Variants in RGS17 observed in about 807,000 individuals in gnomAD.
RGS17 encodes regulator of G protein signaling 17.
Under a neutral mutation model 25.5 loss-of-function variants are expected in RGS17, and 12 were observed. That is an observed-to-expected ratio of 0.47 (90% CI 0.30 to 0.76). The LOEUF (loss-of-function observed/expected upper bound fraction) is 0.76. RGS17 is among the 30% of genes least tolerant of loss of function. The pLI is 0.07. For missense variants in RGS17, 196 were observed against 242.2 expected, an observed-to-expected ratio of 0.81 and a Z score of 1.27; for synonymous variants, 71 against 76.9, an observed-to-expected ratio of 0.92 and a Z score of 0.40.
chr6:153,077,252 A>G (rs886778594), intron 1 of RGS17, among the ~76,000 whole-genome samples: 2 of 152,224 alleles, frequency 1.3e-5, no homozygotes, highest in Non-Finnish European at 2.9e-5. Flanking sequence ...TTTCTAAAAT[A>G]CAGTTCTCTT....
At chr6:153,057,278 T>C (rs886356408) in intron 1 of RGS17, among the ~76,000 whole-genome samples, 13 of 152,094 alleles carry the variant, frequency 8.5e-5, no homozygotes, top group Non-Finnish European at 1.3e-4. Context: ...CAAGATGCCG[T>C]TGCAGTAAGA....
intron 2 of RGS17, among the ~76,000 whole-genome samples, chr6:153,043,487 T>TAAAAAAAA (rs766892546): frequency 7.4e-6 from 1 of 135,492 alleles, no homozygotes; most frequent in Non-Finnish European, 1.6e-5. Flanking sequence ...AGCAGAGAAC[T>TAAAAAAAA]AAAAAAAAAA....
chr6:153,043,563 T>C (rs910309798), intron 2 of RGS17, among the ~76,000 whole-genome samples: 1 of 152,114 alleles, frequency 6.6e-6, no homozygotes, highest in Non-Finnish European at 1.5e-5. Context: ...CCTGTAACAT[T>C]GGAGAATATT....
At chr6:153,126,443 A>AGCCACATTGATCTTTTT (rs1554246510) in intron 1 of RGS17, among the ~76,000 whole-genome samples, 2 of 151,794 alleles carry the variant, frequency 1.3e-5, no homozygotes, top group African/African-American at 4.8e-5. Flanking sequence ...TTTCTGGTTT[A>AGCCACATTGATCTTTTT]GCCACAGTGA....
intron 1 of RGS17, among the ~76,000 whole-genome samples, chr6:153,066,901 G>A (rs568593985): frequency 2.1e-4 from 32 of 152,048 alleles, no homozygotes; most frequent in African/African-American, 7.7e-4. Context: ...TTAGCGGGGC[G>A]TGGTGGTGGG....
chr6:153,097,290 ATTTTTTT>A (rs3083488), intron 1 of RGS17, among the ~76,000 whole-genome samples: 27,883 of 88,096 alleles, frequency 0.32, 3,378 homozygotes, highest in East Asian at 0.52. Context: ...CGTTTTTTTG[ATTTTTTT>A]TTTTTTTTTT....
At chr6:153,020,111 A>AAAATATATATAT (rs1426592195) in intron 4 of RGS17, among the ~76,000 whole-genome samples, 6 of 58,464 alleles carry the variant, frequency 1.0e-4, no homozygotes, top group African/African-American at 3.2e-4. Context: ...AAAAAAAAAA[A>AAAATATATATAT]ATATATATAT....
intron 1 of RGS17, among the ~76,000 whole-genome samples, chr6:153,072,251 T>C (rs1776814619): frequency 1.3e-5 from 2 of 152,150 alleles, no homozygotes; most frequent in Non-Finnish European, 2.9e-5. Context: ...CTATTCCAAA[T>C]AATTCGTAAG....
chr6:153,106,505 C>T (rs1777387333), intron 1 of RGS17, among the ~76,000 whole-genome samples: 1 of 150,632 alleles, frequency 6.6e-6, no homozygotes, highest in African/African-American at 2.4e-5. Flanking sequence ...TTGGGGTTTA[C>T]ATTCAGGACT....
intron 2 of RGS17, among the ~76,000 whole-genome samples, chr6:153,033,677 C>T (rs1584126617): frequency 6.6e-6 from 1 of 152,038 alleles, no homozygotes; most frequent in African/African-American, 2.4e-5. Flanking sequence ...GAGATGGCAC[C>T]ACTGCACTCC....
At chr6:153,025,908 C>T (rs1779296172) in intron 3 of RGS17, among the ~76,000 whole-genome samples, 1 of 151,370 alleles carries the variant, frequency 6.6e-6, no homozygotes, top group East Asian at 1.9e-4. Context: ...GACCATGAAG[C>T]ATCATTAAAA....
intron 1 of RGS17, among the ~76,000 whole-genome samples, chr6:153,069,493 G>A (rs1776754625): frequency 6.6e-6 from 1 of 151,896 alleles, no homozygotes; most frequent in Non-Finnish European, 1.5e-5. Context: ...AGGTGGGGAT[G>A]GATAATGGGT....
At chr6:153,077,369 T>A (rs1776898727) in intron 1 of RGS17, among the ~76,000 whole-genome samples, 1 of 152,090 alleles carries the variant, frequency 6.6e-6, no homozygotes, top group African/African-American at 2.4e-5. Flanking sequence ...TATATAATAG[T>A]TGGGACAATT....
intron 4 of RGS17, among the ~76,000 whole-genome samples, chr6:153,019,861 T>C (rs939545534): frequency 6.6e-6 from 1 of 151,992 alleles, no homozygotes; most frequent in Non-Finnish European, 1.5e-5. Context: ...TAACACATCT[T>C]TTCAATAATA....
chr6:153,127,935 G>A (rs1455847532), intron 1 of RGS17, among the ~76,000 whole-genome samples: 1 of 152,130 alleles, frequency 6.6e-6, no homozygotes, highest in African/African-American at 2.4e-5. Flanking sequence ...ACCTGCCTTT[G>A]CCACATACTG....
chr6:153,111,510 G>A (rs1777468955), intron 1 of RGS17, among the ~76,000 whole-genome samples: 1 of 152,242 alleles, frequency 6.6e-6, no homozygotes, highest in African/African-American at 2.4e-5. Context: ...GGCTGTGGGT[G>A]CAGCTTCAGC....
chr6:153,104,512 A>C (rs959802185), intron 1 of RGS17, among the ~76,000 whole-genome samples: 1 of 152,268 alleles, frequency 6.6e-6, no homozygotes, highest in African/African-American at 2.4e-5. Flanking sequence ...CGTAAAGATA[A>C]TTCAAAGAGA....
chr6:153,065,033 C>T (rs1776688051), intron 1 of RGS17, among the ~76,000 whole-genome samples: 1 of 152,084 alleles, frequency 6.6e-6, no homozygotes. Context: ...AAACATAAGA[C>T]CCCTTGATCT....
chr6:153,020,049 G>A (rs1265340955), intron 4 of RGS17, among the ~76,000 whole-genome samples: 3 of 122,624 alleles, frequency 2.4e-5, no homozygotes, highest in African/African-American at 9.2e-5. Context: ...TTCATAAAAT[G>A]TACACTATAC....
Sources: gnomAD v4.1 joint callset for allele counts (sites outside exome capture counted in the v4.1 genomes callset) on GRCh38, gnomAD v4.1.1 for gene constraint, MANE v1.5 for transcripts, NCBI Gene and HGNC (gene_info 2026-07-23, HGNC 2026-07-21) for gene names.